Variants in RTN4RL1 observed in about 807,000 individuals in gnomAD.
The protein encoded by RTN4RL1 is reticulon-4 receptor-like 1.
A neutral mutation model predicts 25.6 loss-of-function variants in RTN4RL1; 7 were observed. The ratio of observed to expected loss-of-function variants is 0.27; its 90% CI spans 0.16 to 0.51. RTN4RL1 has a LOEUF of 0.51. Among genes scored for constraint, RTN4RL1 ranks in the 20% least tolerant of loss-of-function variants. The pLI is 0.97. For missense variants in RTN4RL1, 500 were observed against 615.6 expected (o/e 0.81, Z 1.99); for synonymous variants, 297 against 288.2 (o/e 1.03, Z -0.31).
chr17:1,975,680 AGAAAGCTTTGGT>A (rs771282701), intron 1 of RTN4RL1, among the ~76,000 whole-genome samples: 16 of 152,156 alleles, frequency 1.1e-4, no homozygotes, highest in Non-Finnish European at 1.9e-4. Flanking sequence ...AAAGAAAAAT[AGAAAGCTTTGGT>A]GGAAGGGAGA....
At chr17:1,968,495 G>T (rs150157776) in intron 1 of RTN4RL1, among the ~76,000 whole-genome samples, 2 of 152,166 alleles carry the variant, frequency 1.3e-5, no homozygotes, top group Admixed American at 1.3e-4. Flanking sequence ...AGCTCCGATG[G>T]TGTCACTCCC....
chr17:1,979,786 C>T (rs888907877), intron 1 of RTN4RL1, among the ~76,000 whole-genome samples: 1 of 152,204 alleles, frequency 6.6e-6, no homozygotes, highest in Non-Finnish European at 1.5e-5. Context: ...TGGCCCTTCT[C>T]TTTGGAGAGC....
In RTN4RL1 at chr17:1,936,884, A is replaced by C. The variant is rs766528091; in HGVS notation, c.938T>G (p.Ile313Ser). ...GGTGGTGGTGAGCGTGTGTGACTTG[A>C]TCTGGTGCGGGGACGCTGGTCCCGT... ...NCTGPASPHQ[I>S]KSHTLTTTDR... The change falls in exon 2 of 2, where the codon ATC becomes AGC. Residue 313 changes from isoleucine (I) to serine (S), a missense_variant. Ile to Ser is a moderately radical substitution (Grantham distance 142). Around this residue, in one of 2 missense-constraint regions of RTN4RL1, gnomAD observed 268 missense variants for 274.5 expected, o/e 0.98. Coordinates refer to ENST00000331238, the MANE Select transcript of RTN4RL1 (RefSeq NM_178568.4). 4 of 1,603,226 alleles carry C rather than the reference A, an allele frequency of 2.5e-6. No homozygotes were observed. The South Asian group carries it at 4.4e-5, about 18-fold the overall frequency.
intron 1 of RTN4RL1, among the ~76,000 whole-genome samples, chr17:1,983,244 C>T (rs966542572): frequency 5.3e-5 from 8 of 152,132 alleles, no homozygotes; most frequent in African/African-American, 1.9e-4. Context: ...CAGGGTTTCA[C>T]CATGTTGTAC....
chr17:1,962,280 A>G (rs942352094), intron 1 of RTN4RL1, among the ~76,000 whole-genome samples: 7 of 145,980 alleles, frequency 4.8e-5, no homozygotes, highest in Non-Finnish European at 1.1e-4. Context: ...CCCTCTCTGG[A>G]AAAAAAAAAA....
chr17:1,980,398 C>T (rs2066862087), intron 1 of RTN4RL1, among the ~76,000 whole-genome samples: 1 of 152,126 alleles, frequency 6.6e-6, no homozygotes, highest in Non-Finnish European at 1.5e-5. Context: ...AAGACAAATT[C>T]CAATTCCATA....
At chr17:1,953,713 C>G (rs1915731495) in intron 1 of RTN4RL1, among the ~76,000 whole-genome samples, 1 of 152,070 alleles carries the variant, frequency 6.6e-6, no homozygotes, top group African/African-American at 2.4e-5. Flanking sequence ...TACAGGCGAG[C>G]ACCACCAAGC....
At chr17:1,952,330 TG>T (rs199549685) in intron 1 of RTN4RL1, among the ~76,000 whole-genome samples, 22 of 86,826 alleles carry the variant, frequency 2.5e-4, no homozygotes, top group African/African-American at 5.7e-4. Flanking sequence ...CAAGGGAGGT[TG>T]GTTTTTTTTT....
intron 1 of RTN4RL1, among the ~76,000 whole-genome samples, chr17:1,989,647 C>T (rs1184490370): frequency 1.3e-5 from 2 of 152,054 alleles, no homozygotes; most frequent in African/African-American, 4.8e-5. Flanking sequence ...GATCTCGGTT[C>T]ACTGCCACCT....
intron 1 of RTN4RL1, among the ~76,000 whole-genome samples, chr17:1,960,837 C>T (rs928239684): frequency 2.6e-5 from 4 of 152,080 alleles, no homozygotes; most frequent in African/African-American, 9.7e-5. Flanking sequence ...CTGACGGTTC[C>T]CACGGGGCCC....
At chr17:1,981,602 C>T (rs2066867595) in intron 1 of RTN4RL1, among the ~76,000 whole-genome samples, 1 of 152,192 alleles carries the variant, frequency 6.6e-6, no homozygotes, top group Admixed American at 6.5e-5. Flanking sequence ...ACCTGGTCCA[C>T]CCTGAGCAGC....
At chr17:1,971,961 C>CAAAAAAAAAAAAAAAAAA (rs1323277246) in intron 1 of RTN4RL1, among the ~76,000 whole-genome samples, 2 of 59,870 alleles carry the variant, frequency 3.3e-5, no homozygotes, top group African/African-American at 1.3e-4. Flanking sequence ...GACTCCCTCT[C>CAAAAAAAAAAAAAAAAAA]AAAAAAAAAA....
At chr17:2,000,035 G>C (rs1355012660) in intron 1 of RTN4RL1, among the ~76,000 whole-genome samples, 1 of 152,282 alleles carries the variant, frequency 6.6e-6, no homozygotes, top group Non-Finnish European at 1.5e-5. Context: ...GCCATCTGCA[G>C]CCAGCCCTGT....
intron 1 of RTN4RL1, among the ~76,000 whole-genome samples, chr17:1,960,228 T>A (rs1463902476): frequency 2.0e-5 from 2 of 102,006 alleles, no homozygotes; most frequent in East Asian, 6.9e-4. Context: ...TTCTGTTCCC[T>A]GGACCTCTGC....
chr17:1,983,055 T>C (rs1168605151), intron 1 of RTN4RL1, among the ~76,000 whole-genome samples: 51 of 151,390 alleles, frequency 3.4e-4, no homozygotes, highest in Non-Finnish European at 6.8e-4. Flanking sequence ...CTTCTTCTTT[T>C]TTTTTTTTTT....
At chr17:1,941,824 G>C (rs1169227265) in intron 1 of RTN4RL1, among the ~76,000 whole-genome samples, 3 of 152,134 alleles carry the variant, frequency 2.0e-5, no homozygotes, top group Non-Finnish European at 4.4e-5. Flanking sequence ...GGTACCCCCT[G>C]CCAGAGCCAG....
intron 1 of RTN4RL1, among the ~76,000 whole-genome samples, chr17:2,013,634 G>GGGTTTGAT (rs1379899052): frequency 4.5e-5 from 6 of 132,536 alleles, no homozygotes; most frequent in African/African-American, 1.5e-4. Context: ...CCTCACCCTG[G>GGGTTTGAT]AACATAAATA....
At chr17:1,941,162 T>C (rs998422684) in intron 1 of RTN4RL1, among the ~76,000 whole-genome samples, 3 of 152,166 alleles carry the variant, frequency 2.0e-5, no homozygotes, top group Non-Finnish European at 4.4e-5. Context: ...AGGTCCAGGA[T>C]GCAGTTCTCT....
intron 1 of RTN4RL1, among the ~76,000 whole-genome samples, chr17:1,974,807 G>A (rs901744411): frequency 9.9e-5 from 15 of 152,118 alleles, no homozygotes; most frequent in Non-Finnish European, 2.1e-4. Context: ...GTCTCCCATC[G>A]GCTGAACCTG....
Sources: gnomAD v4.1 joint callset for allele counts (sites outside exome capture counted in the v4.1 genomes callset) on GRCh38, gnomAD v4.1.1 for gene constraint, gnomAD v4.1.1 regional missense constraint, MANE v1.5 for transcripts, NCBI Gene and HGNC (gene_info 2026-07-23, HGNC 2026-07-21) for gene names.